SEC24C: variants seen among roughly 807,000 people sequenced by gnomAD.
The protein encoded by SEC24C is protein transport protein Sec24C.
SEC24C carries 22 observed loss-of-function variants against 117.0 expected under a neutral mutation model. The ratio of observed to expected loss-of-function variants is 0.19; its 90% confidence interval spans 0.13 to 0.27. The LOEUF is 0.27. SEC24C is among the 10% of genes least tolerant of loss of function. The pLI, the probability that SEC24C is intolerant of heterozygous loss-of-function variation, is 1.00. For missense variants in SEC24C, 1,155 were observed against 1,375.1 expected (o/e 0.84, Z 2.53); for synonymous variants, 506 against 529.4 (o/e 0.96, Z 0.61).
chr10:73,766,797 A>G lies in SEC24C; in HGVS notation c.1837A>G (p.Arg613Gly). 1 of 1,614,232 alleles carries G rather than the reference A, an allele frequency of 6.2e-7. No homozygotes were observed. Among genetic ancestry groups the G allele is most frequent in the Non-Finnish European group, 8.5e-7 (1 of 1,180,042 alleles). Residue 613 changes from arginine to glycine, a missense_variant, in exon 13 of 23, where the codon AGG (arginine) becomes GGG (glycine). Transcript: ENST00000345254. The part of the protein sequence containing the change: ...DQIPEMFADT[R>G]ETETVFVPVI... ...GATTCCAGAAATGTTTGCAGACACAAGGGAAACAGAGACAGTATTTGTACC... is the reference window on the plus strand; with the variant it reads ...GATTCCAGAAATGTTTGCAGACACAGGGGAAACAGAGACAGTATTTGTACC...
At chr10:73,770,255 C>T (rs3088070) in intron 20 of SEC24C, 25 bp from the exon 21 acceptor site, 219,060 of 1,577,124 alleles carry the variant, frequency 0.14, 15,926 homozygotes, top group South Asian at 0.21. Context: ...CCTTGGTAAC[C>T]TTTTGCTCCC....
chr10:73,754,483 G>A (rs1370505121), intron 3 of SEC24C, among the ~76,000 whole-genome samples: 1 of 152,110 alleles, frequency 6.6e-6, no homozygotes, highest in African/African-American at 2.4e-5. Flanking sequence ...CAATTCTATT[G>A]ATTCCACCTT....
Position 73,770,293 on chromosome 10 carries a change from T to C in SEC24C, c.2876T>C (p.Val959Ala), listed in dbSNP as rs2082955426. Reference protein sequence around the residue: ...PRLLPLTKSPVESTTEPPAVR... With the variant: ...PRLLPLTKSPAESTTEPPAVR... Reference sequence around the variant, plus strand: ...CCTTTTGTCTAGACAAAGTCTCCCGTTGAGAGTACTACCGAACCACCAGCA... The same window carrying C: ...CCTTTTGTCTAGACAAAGTCTCCCGCTGAGAGTACTACCGAACCACCAGCA... The change falls in exon 21 of 23, where the codon GTT becomes GCT. Residue 959 changes from valine to alanine, a missense_variant. By Grantham distance (64) the Val-to-Ala change is moderately conservative. Around this residue, in one of 2 missense-constraint regions of SEC24C, gnomAD observed 759 missense variants for 992.3 expected, o/e 0.76. Transcript: ENST00000345254. The C allele has an allele frequency of 1.2e-6, 2 of 1,608,850 alleles. No homozygotes were observed. The highest frequency in any genetic ancestry group is 8.5e-7 in the Non-Finnish European group (1 of 1,177,234).
At chr10:73,755,683 A>C (rs1489124308) in intron 3 of SEC24C, among the ~76,000 whole-genome samples, 1 of 149,146 alleles carries the variant, frequency 6.7e-6, no homozygotes, top group Non-Finnish European at 1.5e-5. Flanking sequence ...CGTCTCAGGA[A>C]AAAAAAAAAG....
chr10:73,761,361 G>A (rs2132553596), intron 6 of SEC24C, among the ~76,000 whole-genome samples: 1 of 152,314 alleles, frequency 6.6e-6, no homozygotes, highest in Admixed American at 6.5e-5. Flanking sequence ...GGGGAAGAGT[G>A]AACGACAGTT....
intron 1 of SEC24C, 96 bp from the exon 2 acceptor site, chr10:73,746,709 C>G: frequency 1.3e-6 from 1 of 759,766 alleles, no homozygotes; most frequent in South Asian, 2.3e-5. Context: ...TGATCACTGT[C>G]TGATAAGGTC....
At chr10:73,749,230 G>A (rs765554221) in intron 2 of SEC24C, among the ~76,000 whole-genome samples, 45 of 152,178 alleles carry the variant, frequency 3.0e-4, no homozygotes, top group African/African-American at 9.7e-5. Flanking sequence ...GACCAGGACC[G>A]AATATTTCCT....
chr10:73,747,549 TCAC>T (rs1363319930), intron 2 of SEC24C, among the ~76,000 whole-genome samples: 13 of 152,002 alleles, frequency 8.6e-5, no homozygotes, highest in Admixed American at 8.5e-4. Flanking sequence ...GATGGGGGTT[TCAC>T]CATCTTGGCC....
At position 73,763,869 on chromosome 10, in the gene SEC24C, C is replaced by T; in HGVS notation, c.1113C>T (p.Pro371=). 1 of 1,613,300 alleles carries T rather than the reference C, an allele frequency of 6.2e-7. No individual in the cohort carries two copies. Among genetic ancestry groups the T allele is most frequent in the East Asian group, 2.2e-5 (1 of 44,826 alleles). Residue 371 remains proline, a synonymous_variant, in exon 8 of 23, where the codon CCC becomes CCT. Coordinates refer to ENST00000345254, the MANE Select transcript of SEC24C (RefSeq NM_198597.3). ...CTCCTTCTTCAGGGAATGCAAGTCC[C>T]CGATACATCCGATGTACATCCTATA... is the stretch of plus-strand genomic sequence containing the variant. The part of the protein sequence containing the change: ...FLVKDQGNAS[P]RYIRCTSYNI...
chr10:73,769,935 C>T lies in SEC24C; in HGVS notation c.2782C>T (p.Arg928Cys), dbSNP rs751710689. The T allele has an allele frequency of 1.2e-5, 20 of 1,613,958 alleles. No homozygotes were observed. Among genetic ancestry groups the T allele is most frequent in the Middle Eastern group, 1.6e-4 (1 of 6,084 alleles). Residue 928 changes from arginine (R) to cysteine (C), a missense_variant, in exon 20 of 23, where the codon CGT becomes TGT. Physicochemically the swap from Arg to Cys is radical, Grantham distance 180. Around this residue, in one of 2 missense-constraint regions of SEC24C, gnomAD observed 759 missense variants for 992.3 expected, o/e 0.76. Transcript: ENST00000345254. This position sits in a 1 kb window ranked among gnomAD's most constrained non-coding sequence, Gnocchi z 4.5. ...QPGAEVTTDD[R>C]AYVRQLVTSM... The stretch of plus-strand genomic sequence containing the variant: ...TGGAGCTGAAGTCACTACTGATGAC[C>T]GTGCCTATGTCCGACAGCTAGTTAC...
In SEC24C at chr10:73,767,901, G is replaced by T; in HGVS notation, c.2075G>T (p.Cys692Phe). ...TLAKECVAQGCCVDLFLFPNQ... is the reference protein window; with the variant it reads ...TLAKECVAQGFCVDLFLFPNQ... Reference sequence around the variant, plus strand: ...GCCAAAGAGTGTGTGGCCCAAGGCTGCTGTGTAGATCTCTTTCTCTTCCCT... The same window carrying T: ...GCCAAAGAGTGTGTGGCCCAAGGCTTCTGTGTAGATCTCTTTCTCTTCCCT... Residue 692 changes from cysteine (C) to phenylalanine (F), a missense_variant, in exon 15 of 23, where the codon TGC becomes TTC. Transcript: ENST00000345254. The T allele has an allele frequency of 6.2e-7, 1 of 1,613,858 alleles. No individual in the cohort carries two copies. The highest frequency in any genetic ancestry group is 8.5e-7 in the Non-Finnish European group (1 of 1,179,908).
chr10:73,763,326 G>C (rs1483204397), intron 6 of SEC24C, among the ~76,000 whole-genome samples, 164 bp from the exon 7 acceptor site: 2 of 152,174 alleles, frequency 1.3e-5, no homozygotes, highest in African/African-American at 4.8e-5. Flanking sequence ...TGGCATTACA[G>C]CATTTTATAT....
intron 14 of SEC24C, 76 bp from the exon 15 acceptor site, chr10:73,767,761 C>A: frequency 8.8e-7 from 1 of 1,131,448 alleles, no homozygotes; most frequent in Non-Finnish European, 1.2e-6. Flanking sequence ...ATATCCCATG[C>A]TAGATATACA....
In SEC24C at chr10:73,769,647, G is replaced by A. The variant is rs2132581001; in HGVS notation, c.2596G>A (p.Ala866Thr). The part of the protein sequence containing the change: ...YRGVLNSPVK[A>T]VRDTLITQCA... ...GGGAGTCCTGAATAGCCCTGTGAAG[G>A]CTGTTCGTGACACGCTCATCACCCA... Residue 866 changes from alanine (A) to threonine (T), a missense_variant, in exon 19 of 23, where the codon GCT becomes ACT. Transcript: ENST00000345254. This position sits in a 1 kb window ranked among gnomAD's most constrained non-coding sequence, Gnocchi z 4.5. 6.2e-7 allele frequency: 1 copy of A among 1,614,078 alleles called. No individual in the cohort carries two copies. The highest frequency in any genetic ancestry group is 2.2e-5 in the East Asian group (1 of 44,878).
rs754726290 is a variant in SEC24C at position 73,769,471 on chromosome 10, A to G, written c.2549A>G (p.Tyr850Cys). The G allele has an allele frequency of 1.2e-6, 2 of 1,614,026 alleles. No individual in the cohort carries two copies. Among genetic ancestry groups the G allele is most frequent in the East Asian group, 4.5e-5 (2 of 44,888 alleles). Residue 850 changes from tyrosine to cysteine, a missense_variant, in exon 18 of 23, where the codon TAC (tyrosine) becomes TGC (cysteine). By Grantham distance (194) the Tyr-to-Cys change is radical. Coordinates refer to ENST00000345254, the MANE Select transcript of SEC24C (RefSeq NM_198597.3). This position sits in a 1 kb window ranked among gnomAD's most constrained non-coding sequence, Gnocchi z 4.5. ...TGTGAGACTGACACGCTCATCAACT[A>G]CATGGCCAAGTTTGGTGAGGGTAGA... ...RNCETDTLINYMAKFAYRGVL... is the reference protein window; with the variant it reads ...RNCETDTLINCMAKFAYRGVL...
rs1229492108 is a variant in SEC24C, at chr10:73,769,059, T to C, written c.2331T>C (p.Asp777=). ...FGAFYMSNTT[D]VELAGLDGDK... ...CTTTCTACATGAGCAACACGACAGA[T>C]GTGGAGCTGGCTGGGCTAGATGGGG... Residue 777 remains aspartate (D), a synonymous_variant, in exon 17 of 23, where the codon GAT becomes GAC. Coordinates refer to ENST00000345254, the MANE Select transcript of SEC24C (RefSeq NM_198597.3). The surrounding 1 kb of genome is among the most constrained non-coding windows in gnomAD (Gnocchi z 4.5). 3.1e-6 allele frequency: 5 copies of C among 1,614,182 alleles called. No individual in the cohort carries two copies. Among genetic ancestry groups the C allele is most frequent in the Non-Finnish European group, 4.2e-6 (5 of 1,180,032 alleles).
At chr10:73,753,181 C>G (rs1167884188) in intron 3 of SEC24C, among the ~76,000 whole-genome samples, 1 of 152,112 alleles carries the variant, frequency 6.6e-6, no homozygotes, top group African/African-American at 2.4e-5. Flanking sequence ...TCCCGAGTAG[C>G]TGGGATTGCA....
rs1350603468 is a variant in SEC24C at position 73,767,991 on chromosome 10, A to G, written c.2165A>G (p.Lys722Arg). The G allele has an allele frequency of 6.2e-7, 1 of 1,612,106 alleles. No individual in the cohort carries two copies. Among genetic ancestry groups the G allele is most frequent in the Non-Finnish European group, 8.5e-7 (1 of 1,179,396 alleles). Residue 722 changes from lysine to arginine, a missense_variant, in exon 15 of 23, where the codon AAA (lysine) becomes AGA (arginine). By Grantham distance (26) the Lys-to-Arg change is conservative (BLOSUM62 2). This residue lies in a region of SEC24C where 759 missense variants were observed against 992.3 expected (regional missense o/e 0.76). Coordinates refer to ENST00000345254, the MANE Select transcript of SEC24C (RefSeq NM_198597.3). ...VPQLTGGSVY[K>R]YASFQVENDQ... ...CAGCTCACTGGTGGCTCTGTCTACAAATATGCTTCCTTTCAGGTATGGTGT... is the reference window on the plus strand; with the variant it reads ...CAGCTCACTGGTGGCTCTGTCTACAGATATGCTTCCTTTCAGGTATGGTGT...
intron 5 of SEC24C, 113 bp from the exon 6 acceptor site, chr10:73,760,600 G>T (rs908502447): frequency 1.1e-5 from 13 of 1,227,498 alleles, no homozygotes; most frequent in Non-Finnish European, 1.4e-5. Context: ...TCTTTGCCAG[G>T]CATTAGTGTG....
Sources: gnomAD v4.1 joint callset for allele counts (sites outside exome capture counted in the v4.1 genomes callset) on GRCh38, gnomAD v4.1.1 for gene constraint, gnomAD v4.1.1 regional missense constraint, Gnocchi (gnomAD v3.1) non-coding constraint, MANE v1.5 for transcripts, NCBI Gene and HGNC (gene_info 2026-07-23, HGNC 2026-07-21) for gene names.